Variants in PRICKLE2 observed in about 807,000 individuals in gnomAD.
PRICKLE2 encodes the protein prickle planar cell polarity protein 2.
PRICKLE2 carries 21 observed loss-of-function variants against 81.4 expected under a neutral mutation model. The observed-to-expected ratio is 0.26, with a 90% CI of 0.18 to 0.37. The LOEUF is 0.37. Among genes scored for constraint, PRICKLE2 ranks in the 10% least tolerant of loss-of-function variants. The probability of loss-of-function intolerance (pLI) is 1.00; values close to 1 mark genes in which losing one functional copy is unlikely to be tolerated. For synonymous variants in PRICKLE2, 456 were observed against 421.5 expected (o/e 1.08, Z -1.00); for missense variants, 940 against 1,109.0 (o/e 0.85, Z 2.16).
At chr3:64,207,800 C>T (rs775255878) in intron 1 of PRICKLE2, among the ~76,000 whole-genome samples, 6 of 152,124 alleles carry the variant, frequency 3.9e-5, no homozygotes, top group Non-Finnish European at 7.4e-5. Flanking sequence ...GAGAGAGATG[C>T]GGCACGGATA....
intron 2 of PRICKLE2, among the ~76,000 whole-genome samples, chr3:64,191,270 T>C (rs990818795): frequency 9.9e-5 from 15 of 152,206 alleles, no homozygotes; most frequent in African/African-American, 3.4e-4. Flanking sequence ...CTTCTGCTCC[T>C]CTTTGAGCTG....
chr3:64,202,950 G>A (rs1298157490), intron 1 of PRICKLE2, among the ~76,000 whole-genome samples: 2 of 152,148 alleles, frequency 1.3e-5, no homozygotes, highest in Non-Finnish European at 2.9e-5. Flanking sequence ...TTCTATGCTA[G>A]TTTGTTGTTT....
chr3:64,190,639 C>G (rs927955912), intron 2 of PRICKLE2, among the ~76,000 whole-genome samples: 3 of 152,302 alleles, frequency 2.0e-5, no homozygotes, highest in Admixed American at 2.0e-4. Flanking sequence ...CTAGCATGCT[C>G]TCTGATTTAT....
chr3:64,152,461 C>A (rs2077562946), intron 6 of PRICKLE2, among the ~76,000 whole-genome samples: 1 of 152,162 alleles, frequency 6.6e-6, no homozygotes, highest in Non-Finnish European at 1.5e-5. Flanking sequence ...TGATTTTCAC[C>A]ATCTCAGATC....
chr3:64,189,450 G>A (rs544081068), intron 2 of PRICKLE2, among the ~76,000 whole-genome samples: 1 of 152,278 alleles, frequency 6.6e-6, no homozygotes, highest in Admixed American at 6.5e-5. Flanking sequence ...CCTGAGTGGA[G>A]CAATGTGCAT....
At chr3:64,259,872 C>T (rs2079590488) in intron 2 of PRICKLE2, among the ~76,000 whole-genome samples, 1 of 152,166 alleles carries the variant, frequency 6.6e-6, no homozygotes, top group African/African-American at 2.4e-5. Flanking sequence ...TTTCAAACTT[C>T]TGGCTTCCAG....
At chr3:64,172,761 G>T (rs1189396639) in intron 2 of PRICKLE2, among the ~76,000 whole-genome samples, 1 of 152,136 alleles carries the variant, frequency 6.6e-6, no homozygotes, top group Non-Finnish European at 1.5e-5. Flanking sequence ...TATAGATAGG[G>T]CCTTTAAGGA....
At chr3:64,256,959 G>A (rs1329750400) in intron 2 of PRICKLE2, among the ~76,000 whole-genome samples, 1 of 152,114 alleles carries the variant, frequency 6.6e-6, no homozygotes, top group Non-Finnish European at 1.5e-5. Context: ...TTCTGGAATG[G>A]TTTGGTAACT....
chr3:64,199,009 C>CTTT, intron 1 of PRICKLE2, 42 bp from the exon 2 acceptor site: 2 of 1,262,802 alleles, frequency 1.6e-6, no homozygotes, highest in Non-Finnish European at 1.1e-6. Flanking sequence ...AGGAAAAAAC[C>CTTT]TTTTTTTTTT....
chr3:64,219,861 G>A (rs372328469), intron 1 of PRICKLE2, among the ~76,000 whole-genome samples: 46 of 152,298 alleles, frequency 3.0e-4, no homozygotes, highest in African/African-American at 1.0e-3. Flanking sequence ...AAGCTTGAAC[G>A]AGTTACTTAA....
intron 5 of PRICKLE2, among the ~76,000 whole-genome samples, chr3:64,156,668 AT>A (rs140026684): frequency 8.7e-4 from 132 of 151,676 alleles, no homozygotes; most frequent in African/African-American, 3.1e-3. Flanking sequence ...TGCCTCCTGA[AT>A]TTTTTTTTCA....
chr3:64,184,194 GAT>G (rs2078182495), intron 2 of PRICKLE2, among the ~76,000 whole-genome samples: 1 of 152,212 alleles, frequency 6.6e-6, no homozygotes, highest in South Asian at 2.1e-4. Context: ...AGTCTGGAAA[GAT>G]ATACATTTCT....
At chr3:64,170,498 G>A (rs1276964475) in intron 2 of PRICKLE2, among the ~76,000 whole-genome samples, 1 of 151,984 alleles carries the variant, frequency 6.6e-6, no homozygotes, top group Admixed American at 6.6e-5. Context: ...CTCTGCAGTC[G>A]AGTCTCTATT....
At chr3:64,129,083 C>T (rs1559526649) in intron 7 of PRICKLE2, among the ~76,000 whole-genome samples, 2 of 152,122 alleles carry the variant, frequency 1.3e-5, no homozygotes, top group African/African-American at 2.4e-5. Flanking sequence ...ACAATGTCTA[C>T]AGATACTGTC....
chr3:64,207,642 T>C (rs1180716595), intron 1 of PRICKLE2, among the ~76,000 whole-genome samples: 1 of 152,182 alleles, frequency 6.6e-6, no homozygotes, highest in Admixed American at 6.5e-5. Flanking sequence ...AATCCACTTA[T>C]GTAATGTAAA....
intron 5 of PRICKLE2, 30 bp downstream of exon 5, chr3:64,157,132 G>A (rs560706966): frequency 3.7e-6 from 6 of 1,600,550 alleles, no homozygotes; most frequent in Non-Finnish European, 5.1e-6. Context: ...GGGGTGATGG[G>A]CAGGTAAACC....
At position 64,195,813 on chromosome 3, in the gene PRICKLE2, T is replaced by G. The variant is rs1266186871; in HGVS notation, c.144+2971A>C. ...CCATTAATATAGATGCATATTTTAT[T>G]AGGCGCTATAGAATTCTTAAAATAA... On this transcript the variant is annotated intron_variant, in intron 2 of 7. Coordinates refer to ENST00000638394, the MANE Select transcript of PRICKLE2 (RefSeq NM_198859.4). Among the ~76,000 whole-genome samples, 10 of 152,356 alleles carry G rather than the reference T, an allele frequency of 6.6e-5. No homozygotes were observed. The East Asian group carries it at 1.5e-3, about 23-fold the overall frequency.
intron 2 of PRICKLE2, among the ~76,000 whole-genome samples, chr3:64,258,556 C>T (rs1018306361): frequency 6.6e-6 from 1 of 151,896 alleles, no homozygotes. Context: ...TGTGGTGGCT[C>T]ACGCCTGTAA....
chr3:64,124,392 A>G (rs1032938097), intron 7 of PRICKLE2, among the ~76,000 whole-genome samples: 4 of 152,242 alleles, frequency 2.6e-5, no homozygotes, highest in African/African-American at 7.2e-5. Context: ...CAGAAGGTCT[A>G]CATAAGATCA....
Sources: allele counts gnomAD v4.1 joint callset (sites outside exome capture counted in the v4.1 genomes callset), GRCh38; gene constraint gnomAD v4.1.1; transcripts MANE v1.5; gene names NCBI Gene and HGNC (gene_info 2026-07-23, HGNC 2026-07-21).